The following ZFHX2 variants were observed in gnomAD, a reference collection of about 807,000 sequenced individuals.
ZFHX2 encodes the protein zinc finger homeobox protein 2.
A neutral mutation model predicts 164.8 loss-of-function variants in ZFHX2; 75 were observed. The observed-to-expected ratio is 0.46, with a 90% confidence interval of 0.38 to 0.55. The LOEUF (loss-of-function observed/expected upper bound fraction) is 0.55. Ranked by LOEUF, ZFHX2 falls within the 20% of genes least tolerant of loss-of-function variation. The pLI, the probability that ZFHX2 is intolerant of heterozygous loss-of-function variation, is 0.00. For missense variants in ZFHX2, 2,933 were observed against 3,308.0 expected (o/e 0.89, Z 2.78); for synonymous variants, 1,217 against 1,351.4 (o/e 0.90, Z 2.18).
At position 23,525,740 on chromosome 14, in the gene ZFHX2, G is replaced by A. The variant is rs1037783794; in HGVS notation, c.4202C>T (p.Pro1401Leu). ...AATPPPPPQPPKAELAEREWE... is the reference protein window; with the variant it reads ...AATPPPPPQPLKAELAEREWE... ...CTCCCGCTCAGCCAGCTCAGCCTTG[G>A]GAGGTTGGGGTGGAGGAGGAGGGGT... is the stretch of plus-strand genomic sequence containing the variant. Residue 1401 changes from proline (P) to leucine (L), a missense_variant, in exon 9 of 10, where the codon CCC (proline) becomes CTC (leucine). Physicochemically the swap from Pro to Leu is moderately conservative, Grantham distance 98. Transcript: ENST00000419474. The surrounding 1 kb of genome is among the most constrained non-coding windows in gnomAD (Gnocchi z 5.9). The A allele has an allele frequency of 1.3e-6, 2 of 1,512,824 alleles. No individual in the cohort carries two copies. Among genetic ancestry groups the A allele is most frequent in the African/African-American group, 2.8e-5 (2 of 72,684 alleles). 93.7% of individuals were successfully genotyped at this position (1,512,824 alleles called of 1,614,324 possible).
chr14:23,530,070 T>G, intron 5 of ZFHX2, 50 bp downstream of exon 5: 1 of 1,465,104 alleles, frequency 6.8e-7, no homozygotes, highest in Non-Finnish European at 9.2e-7. Flanking sequence ...CAAGGTCCCG[T>G]GAGCGTCTCA....
rs891828965 is a variant in ZFHX2 at position 23,526,409 on chromosome 14, T to C, written c.3533A>G (p.Asn1178Ser). 2.6e-6 allele frequency: 4 copies of C among 1,536,110 alleles called. No homozygotes were observed. The highest frequency in any genetic ancestry group is 1.7e-4 in the Middle Eastern group (1 of 5,990). ...RHPLTYRKTT[N>S]FALDKFLDPA... ...GTCGAGAAACTTGTCCAGGGCAAAG[T>C]TGGTGGTTTTCCGATAGGTCAGAGG... The change falls in exon 9 of 10, where the codon AAC becomes AGC. Residue 1178 changes from asparagine to serine, a missense_variant. Asn to Ser is a conservative substitution (Grantham distance 46, BLOSUM62 1). Coordinates refer to ENST00000419474, the MANE Select transcript of ZFHX2 (RefSeq NM_033400.3).
chr14:23,525,919 G>A lies in ZFHX2; in HGVS notation c.4023C>T (p.Thr1341=), dbSNP rs771371487. ...DLHRFPAPLF[T]PPVLPPFPLV... The stretch of plus-strand genomic sequence containing the variant: ...GAGGGAAGGGGGGCAGGACTGGTGG[G>A]GTGAAGAGAGGGGCTGGGAATCGGT... The change falls in exon 9 of 10, where the codon ACC becomes ACT. Residue 1341 remains threonine, a synonymous_variant. Transcript: ENST00000419474. This position sits in a 1 kb window ranked among gnomAD's most constrained non-coding sequence, Gnocchi z 5.9. The A allele has an allele frequency of 4.7e-6, 7 of 1,474,626 alleles. No homozygotes were observed. The highest frequency in any genetic ancestry group is 6.3e-6 in the Non-Finnish European group (7 of 1,116,334). 91.3% of individuals were successfully genotyped at this position (1,474,626 alleles called of 1,614,324 possible). A position where few individuals can be genotyped will look rare whatever the true frequency, so the allele number is the denominator to read the frequency against.
At chr14:23,552,801 C>T (rs1017203095), upstream of ZFHX2, among the ~76,000 whole-genome samples, 2 of 151,976 alleles carry the variant, frequency 1.3e-5, no homozygotes, top group Non-Finnish European at 2.9e-5. Context: ...GGGGTTTCAC[C>T]ATCTTAGCCA....
rs561531769 is a variant in ZFHX2 at position 23,530,255 on chromosome 14, A to G, written c.2801-61T>C. The G allele has an allele frequency of 1.8e-4, 229 of 1,277,010 alleles. 2 individuals carry two copies. In the East Asian group the frequency reaches 2.7e-3, roughly 15 times the overall value. 79.1% of individuals were successfully genotyped at this position (1,277,010 alleles called of 1,614,324 possible). A position where few individuals can be genotyped will look rare whatever the true frequency, so the allele number is the denominator to read the frequency against. ...TGTGGCATCAGGGAAGGGAGGACAT[A>G]GGACAGAGGAAGCAGGACAAGCAGC... On this transcript the variant is annotated intron_variant, in intron 4 of 9. Transcript: ENST00000419474.
intron 1 of ZFHX2, chr14:23,543,893 T>A (rs1881090492): frequency 1.3e-5 from 2 of 151,790 alleles, no homozygotes. Flanking sequence ...GGAATCAAAT[T>A]CTAGTTCTGT....
Position 23,533,699 on chromosome 14 carries a change from G to T in ZFHX2, c.1627C>A (p.Pro543Thr). The T allele has an allele frequency of 1.3e-6, 2 of 1,540,674 alleles. No homozygotes were observed. Among genetic ancestry groups the T allele is most frequent in the Non-Finnish European group, 1.7e-6 (2 of 1,149,226 alleles). The change falls in exon 2 of 10, where the codon CCT becomes ACT. Residue 543 changes from proline to threonine, a missense_variant. Coordinates refer to ENST00000419474, the MANE Select transcript of ZFHX2 (RefSeq NM_033400.3). This position sits in a 1 kb window ranked among gnomAD's most constrained non-coding sequence, Gnocchi z 4.8. ...TCTGGTGGACTTCCCTGCCCACCAGGGCCCGCCTGGAAGCCCTGTAGGTTG... is the reference window on the plus strand; with the variant it reads ...TCTGGTGGACTTCCCTGCCCACCAGTGCCCGCCTGGAAGCCCTGTAGGTTG... ...LANLQGFQAG[P>T]GGQGSPPEAS...
rs1879898546 is a variant in ZFHX2 at position 23,534,146 on chromosome 14, G to A, written c.1180C>T (p.Pro394Ser). 1 of 1,473,402 alleles carries A rather than the reference G, an allele frequency of 6.8e-7. No homozygotes were observed. The highest frequency in any genetic ancestry group is 1.4e-5 in the African/African-American group (1 of 71,186). The allele number at this position is 1,473,402 out of a possible 1,614,324, so 91.3% of individuals were successfully genotyped here. A position where few individuals can be genotyped will look rare whatever the true frequency, so the allele number is the denominator to read the frequency against. Reference protein sequence around the residue: ...GLCPPLNQSSPTSKEGGTLPA... With the variant: ...GLCPPLNQSSSTSKEGGTLPA... ...AGAGTGCCCCCCTCCTTGGAGGTGG[G>A]TGAGCTTTGGTTGAGTGGGGGGCAG... The change falls in exon 2 of 10, where the codon CCC (proline) becomes TCC (serine). Residue 394 changes from proline (P) to serine (S), a missense_variant. Transcript: ENST00000419474. The surrounding 1 kb of genome is among the most constrained non-coding windows in gnomAD (Gnocchi z 4.5).
chr14:23,551,102 C>G lies in ZFHX2; in HGVS notation c.-50+241G>C, dbSNP rs1298189681. 2.0e-5 allele frequency among the ~76,000 whole-genome samples: 3 copies of G among 151,934 alleles called. No homozygotes were observed. Among genetic ancestry groups the G allele is most frequent in the Admixed American group, 6.6e-5 (1 of 15,246 alleles). ...ACCCCCGCATCTCTCTTCCCCCATC[C>G]TCGCGCACGCCCTCTTCCTCCCACA... is the stretch of plus-strand genomic sequence containing the variant. On this transcript the variant is annotated intron_variant, in intron 1 of 9. Coordinates refer to ENST00000419474, the MANE Select transcript of ZFHX2 (RefSeq NM_033400.3). The surrounding 1 kb of genome is among the most constrained non-coding windows in gnomAD (Gnocchi z 5.3).
chr14:23,530,808 G>A lies in ZFHX2; in HGVS notation c.2801-614C>T, dbSNP rs192799733. The A allele has an allele frequency of 1.2e-3, 287 of 247,156 alleles. 3 individuals are homozygous for A. Among genetic ancestry groups the A allele is most frequent in the African/African-American group, 6.2e-3 (263 of 42,742 alleles). The allele number at this position is 247,156 out of a possible 1,614,324, so 15.3% of individuals were successfully genotyped here. ...TTCAATTAGCACCAGTCAATGCTGC[G>A]TGTTCCTGGCTCCTGCTGCCCATGC... On this transcript the variant is annotated intron_variant, in intron 4 of 9. Coordinates refer to ENST00000419474, the MANE Select transcript of ZFHX2 (RefSeq NM_033400.3).
At position 23,532,842 on chromosome 14, in the gene ZFHX2, G is replaced by A. The variant is rs1397458786; in HGVS notation, c.2284C>T (p.Leu762Phe). ...EVAGDTHRCK[L>F]CCYGTQLKAN... The stretch of plus-strand genomic sequence containing the variant: ...TTGAGCTGGGTGCCATAGCAGCAAA[G>A]CTTGCAGCGGTGGGTGTCACCAGCC... The change falls in exon 3 of 10, where the codon CTT becomes TTT. Residue 762 changes from leucine (L) to phenylalanine (F), a missense_variant. Transcript: ENST00000419474. 1.3e-6 allele frequency: 2 copies of A among 1,536,426 alleles called. No individual in the cohort carries two copies. Among genetic ancestry groups the A allele is most frequent in the South Asian group, 1.2e-5 (1 of 84,064 alleles).
chr14:23,548,206 C>G (rs902679805), intron 1 of ZFHX2, among the ~76,000 whole-genome samples: 7 of 152,184 alleles, frequency 4.6e-5, no homozygotes, highest in African/African-American at 1.7e-4. Context: ...CCGTCTCTGC[C>G]TGCCTTTTGA....
intron 4 of ZFHX2, chr14:23,530,465 A>G: frequency 1.6e-6 from 1 of 640,680 alleles, no homozygotes; most frequent in Non-Finnish European, 2.9e-6. Context: ...AGTAGACAGC[A>G]GAAACAAGAC....
At position 23,534,138 on chromosome 14, in the gene ZFHX2, G is replaced by T; in HGVS notation, c.1188C>A (p.Ser396=). Residue 396 remains serine (S), a synonymous_variant, in exon 2 of 10, where the codon TCC becomes TCA. Coordinates refer to ENST00000419474, the MANE Select transcript of ZFHX2 (RefSeq NM_033400.3). This position sits in a 1 kb window ranked among gnomAD's most constrained non-coding sequence, Gnocchi z 4.5. ...CPPLNQSSPT[S]KEGGTLPAPV... is the part of the protein sequence containing the mutation. ...GGGCAGGGAGAGTGCCCCCCTCCTTGGAGGTGGGTGAGCTTTGGTTGAGTG... is the reference window on the plus strand; with the variant it reads ...GGGCAGGGAGAGTGCCCCCCTCCTTTGAGGTGGGTGAGCTTTGGTTGAGTG... The T allele has an allele frequency of 6.8e-7, 1 of 1,475,800 alleles. No homozygotes were observed. The highest frequency in any genetic ancestry group is 9.0e-7 in the Non-Finnish European group (1 of 1,117,096). 91.4% of individuals were successfully genotyped at this position (1,475,800 alleles called of 1,614,324 possible).
At chr14:23,542,435 G>A (rs967885618) in intron 1 of ZFHX2, among the ~76,000 whole-genome samples, 3 of 152,154 alleles carry the variant, frequency 2.0e-5, no homozygotes, top group East Asian at 1.9e-4. Flanking sequence ...GGGGGTGGGT[G>A]TCCAGGAGAG....
chr14:23,529,571 TG>T, intron 6 of ZFHX2, 138 bp downstream of exon 6: 1 of 872,538 alleles, frequency 1.1e-6, no homozygotes, highest in Non-Finnish European at 1.8e-6. Context: ...GAACTGGATC[TG>T]GGTGGAATTT....
At position 23,525,098 on chromosome 14, in the gene ZFHX2, T is replaced by G. The variant is rs1447802393; in HGVS notation, c.4844A>C (p.Glu1615Ala). 6.5e-7 allele frequency: 1 copy of G among 1,536,046 alleles called. No homozygotes were observed. The highest frequency in any genetic ancestry group is 1.4e-5 in the African/African-American group (1 of 73,042). Reference protein sequence around the residue: ...FQTQALQSFFETSAYPKDGEV... With the variant: ...FQTQALQSFFATSAYPKDGEV... Reference sequence around the variant, plus strand: ...TCCGTCTTTGGGGTAGGCGCTAGTCTCAAAGAAAGACTGCAGGGCTTGGGT... The same window carrying G: ...TCCGTCTTTGGGGTAGGCGCTAGTCGCAAAGAAAGACTGCAGGGCTTGGGT... Residue 1615 changes from glutamate to alanine, a missense_variant, in exon 9 of 10, where the codon GAG (glutamate) becomes GCG (alanine). Physicochemically the swap from Glu to Ala is moderately radical, Grantham distance 107 (BLOSUM62 -1). Transcript: ENST00000419474. The surrounding 1 kb of genome is among the most constrained non-coding windows in gnomAD (Gnocchi z 5.9).
rs1314284114 is a variant in ZFHX2 at position 23,533,251 on chromosome 14, G to T, written c.2041+34C>A. 1 of 1,106,036 alleles carries T rather than the reference G, an allele frequency of 9.0e-7. No homozygotes were observed. The highest frequency in any genetic ancestry group is 3.0e-5 in the East Asian group (1 of 32,984). 68.5% of individuals were successfully genotyped at this position (1,106,036 alleles called of 1,614,324 possible). On this transcript the variant is annotated intron_variant, in intron 2 of 9. Coordinates refer to ENST00000419474, the MANE Select transcript of ZFHX2 (RefSeq NM_033400.3). This position sits in a 1 kb window ranked among gnomAD's most constrained non-coding sequence, Gnocchi z 4.8. ...GCACGGAATAGAGTTTGGCCCTGGG[G>T]AGGAGAGAAGAGGGAAGAAGCACAG...
In ZFHX2 at chr14:23,542,976, C is replaced by T. The variant is rs185650683; in HGVS notation, c.-49-7602G>A. On this transcript the variant is annotated intron_variant, in intron 1 of 9. Transcript: ENST00000419474. ...GTCTCTATCTCCTGACTACCTGACC[C>T]GCCCACCTTGGCCTGGGATTACAGG... is the stretch of plus-strand genomic sequence containing the variant. The T allele has an allele frequency of 9.2e-5, 14 of 152,186 alleles. No homozygotes were observed. The East Asian group carries it at 1.7e-3, about 19-fold the overall frequency. 9.4% of individuals were successfully genotyped at this position (152,186 alleles called of 1,614,324 possible).
Sources: gnomAD v4.1 joint callset for allele counts (sites outside exome capture counted in the v4.1 genomes callset) on GRCh38, gnomAD v4.1.1 for gene constraint, Gnocchi (gnomAD v3.1) non-coding constraint, MANE v1.5 for transcripts, NCBI Gene and HGNC (gene_info 2026-07-23, HGNC 2026-07-21) for gene names.